VPS13A: variants seen among roughly 807,000 people sequenced by gnomAD.
The protein encoded by VPS13A is vacuolar protein sorting 13 homolog A, also known as intermembrane lipid transfer protein VPS13A.
Under a neutral mutation model 390.9 loss-of-function variants are expected in VPS13A, and 264 were observed. The ratio of observed to expected loss-of-function variants is 0.68; its 90% CI spans 0.61 to 0.75. The LOEUF is 0.75. Among genes scored for constraint, VPS13A ranks in the 30% least tolerant of loss-of-function variants. VPS13A has a pLI of 0.00. For synonymous variants in VPS13A, 1,231 were observed against 1,227.1 expected, an observed-to-expected ratio of 1.00 and a Z score of -0.07; for missense variants, 3,409 against 3,733.9, an observed-to-expected ratio of 0.91 and a Z score of 2.27.
intron 45 of VPS13A, among the ~76,000 whole-genome samples, chr9:77,330,167 C>T (rs760575137): frequency 1.9e-4 from 29 of 151,618 alleles, no homozygotes; most frequent in Non-Finnish European, 3.8e-4. Flanking sequence ...ATGTCTGCAC[C>T]ACCATACCTG....
In VPS13A at chr9:77,283,341, AT is replaced by A. The variant is rs536731890; in HGVS notation, c.3119-5del. Reference sequence around the variant, plus strand: ...TTTTTCCTCATGTTTTATAATATGAATTTTTTTTTGCAGCTTTAAAACTATC... The same window carrying A: ...TTTTTCCTCATGTTTTATAATATGAATTTTTTTTGCAGCTTTAAAACTATC... On this transcript the variant is annotated splice_polypyrimidine_tract_variant and intron_variant, in intron 29 of 71. Coordinates refer to ENST00000360280, the MANE Select transcript of VPS13A (RefSeq NM_033305.3). 2,314 of 1,440,520 alleles carry A rather than the reference AT, an allele frequency of 1.6e-3. 1 individual carries two copies. The highest frequency in any genetic ancestry group is 2.0e-3 in the Non-Finnish European group (2,070 of 1,029,550). The allele number at this position is 1,440,520 out of a possible 1,614,324, so 89.2% of individuals were successfully genotyped here. A position where few individuals can be genotyped will look rare whatever the true frequency, so the allele number is the denominator to read the frequency against.
chr9:77,322,165 A>G (rs967161788), intron 44 of VPS13A, among the ~76,000 whole-genome samples: 19 of 151,130 alleles, frequency 1.3e-4, no homozygotes, highest in Non-Finnish European at 1.3e-4. Flanking sequence ...TGCAGATGGC[A>G]ATTTTTAATG....
intron 68 of VPS13A, among the ~76,000 whole-genome samples, chr9:77,387,729 TTAAAA>T (rs1418504063): frequency 6.6e-6 from 1 of 152,222 alleles, no homozygotes; most frequent in Non-Finnish European, 1.5e-5. Context: ...GTTTCCTTAT[TTAAAA>T]TAATCAGTAT....
chr9:77,267,899 C>T (rs566952874), intron 23 of VPS13A, among the ~76,000 whole-genome samples: 6 of 152,350 alleles, frequency 3.9e-5, no homozygotes, highest in East Asian at 1.9e-4. Flanking sequence ...AGTCTGGCTA[C>T]AGTGGCTTTG....
Position 77,244,092 on chromosome 9 carries a change from G to A in VPS13A, c.1901-3167G>A, listed in dbSNP as rs192242215. Among the ~76,000 whole-genome samples the A allele has an allele frequency of 2.2e-3, 342 of 152,178 alleles. 3 individuals carry two copies. Among genetic ancestry groups the A allele is most frequent in the African/African-American group, 7.6e-3 (317 of 41,518 alleles). ...GTCTCTACAAAAAATTACAAAATTAGTCAGGTTTGGTGACGTGTACCTATC... is the reference window on the plus strand; with the variant it reads ...GTCTCTACAAAAAATTACAAAATTAATCAGGTTTGGTGACGTGTACCTATC... On this transcript the variant is annotated intron_variant, in intron 19 of 71. Transcript: ENST00000360280.
chr9:77,271,957 C>T (rs1826375694), intron 23 of VPS13A, among the ~76,000 whole-genome samples: 1 of 151,862 alleles, frequency 6.6e-6, no homozygotes, highest in African/African-American at 2.4e-5. Flanking sequence ...TCATACTGGA[C>T]CTGGGTGGTT....
At chr9:77,314,432 A>G (rs1316685850) in intron 36 of VPS13A, 63 bp from the exon 37 acceptor site, 6 of 1,486,568 alleles carry the variant, frequency 4.0e-6, no homozygotes, top group Admixed American at 1.7e-5. Flanking sequence ...AGTAGTTCAT[A>G]TCATGAAATA....
At chr9:77,414,040 T>C (rs1036712955) in intron 71 of VPS13A, among the ~76,000 whole-genome samples, 3 of 152,176 alleles carry the variant, frequency 2.0e-5, no homozygotes, top group African/African-American at 7.2e-5. Context: ...CACAATGAGA[T>C]ACCATCTCAC....
chr9:77,346,759 T>G (rs918010126), intron 52 of VPS13A, among the ~76,000 whole-genome samples: 1 of 152,208 alleles, frequency 6.6e-6, no homozygotes, highest in African/African-American at 2.4e-5. Flanking sequence ...ACGATCCCAG[T>G]ACCATTTGAA....
In VPS13A at chr9:77,266,948, C is replaced by T. The variant is rs113741025; in HGVS notation, c.2428-6332C>T. Reference sequence around the variant, plus strand: ...TCTGATATCCTTTCTTCCGCTTGATCGATTTGGCTATTGATACTTGTATAT... The same window carrying T: ...TCTGATATCCTTTCTTCCGCTTGATTGATTTGGCTATTGATACTTGTATAT... On this transcript the variant is annotated intron_variant, in intron 23 of 71. Coordinates refer to ENST00000360280, the MANE Select transcript of VPS13A (RefSeq NM_033305.3). Among the ~76,000 whole-genome samples, 42 of 151,942 alleles carry T rather than the reference C, an allele frequency of 2.8e-4. 1 individual carries two copies. The highest frequency in any genetic ancestry group is 2.6e-3 in the Admixed American group (40 of 15,246).
At chr9:77,273,831 C>G (rs1826490377) in intron 24 of VPS13A, among the ~76,000 whole-genome samples, 1 of 152,010 alleles carries the variant, frequency 6.6e-6, no homozygotes, top group Non-Finnish European at 1.5e-5. Context: ...AGGAAGATAC[C>G]TTTACAAGGT....
Position 77,337,325 on chromosome 9 carries a change from A to G in VPS13A, c.6166A>G (p.Ile2056Val). ...MCEGIDFEEI[I>V]KNDGALLKKK... ...TGAAGGAATTGACTTTGAAGAGATT[A>G]TAAAAAATGATGGTGCTCTTCTAAA... Residue 2056 changes from isoleucine to valine, a missense_variant, in exon 47 of 72, where the codon ATA becomes GTA. This residue lies in a region of VPS13A where 2,717 missense variants were observed against 2,917.4 expected (regional missense o/e 0.93). Coordinates refer to ENST00000360280, the MANE Select transcript of VPS13A (RefSeq NM_033305.3). 3 of 1,613,060 alleles carry G rather than the reference A, an allele frequency of 1.9e-6. No individual in the cohort carries two copies. Among genetic ancestry groups the G allele is most frequent in the Non-Finnish European group, 2.5e-6 (3 of 1,179,456 alleles).
intron 7 of VPS13A, among the ~76,000 whole-genome samples, chr9:77,212,630 C>T (rs1360563743): frequency 6.6e-6 from 1 of 152,098 alleles, no homozygotes; most frequent in Non-Finnish European, 1.5e-5. Flanking sequence ...GCCACTGCAC[C>T]CAATGATACC....
chr9:77,329,755 A>G (rs1320858208), intron 45 of VPS13A, among the ~76,000 whole-genome samples: 3 of 152,210 alleles, frequency 2.0e-5, no homozygotes, highest in South Asian at 2.1e-4. Context: ...GCAATTCACA[A>G]TAAAGCAAAA....
rs190748675 is a variant in VPS13A, at chr9:77,323,993, G to T, written c.5991+766G>T. On this transcript the variant is annotated intron_variant, in intron 45 of 71. Coordinates refer to ENST00000360280, the MANE Select transcript of VPS13A (RefSeq NM_033305.3). ...GTTTTGCTTTTTTTTTCACCATATGGATTTTTTTTCCAGAGGATTTTAGGT... is the reference window on the plus strand; with the variant it reads ...GTTTTGCTTTTTTTTTCACCATATGTATTTTTTTTCCAGAGGATTTTAGGT... 3.2e-4 allele frequency among the ~76,000 whole-genome samples: 48 copies of T among 151,688 alleles called. 1 individual carries two copies. The highest frequency in any genetic ancestry group is 2.6e-3 in the Admixed American group (40 of 15,252).
At chr9:77,399,059 C>A (rs1834240351) in intron 68 of VPS13A, among the ~76,000 whole-genome samples, 1 of 143,476 alleles carries the variant, frequency 7.0e-6, no homozygotes. Context: ...GGAGATATAC[C>A]TAATGCTAGA....
Position 77,369,343 on chromosome 9 carries a change from G to A in VPS13A, c.8598G>A (p.Leu2866=). The part of the protein sequence containing the change: ...MYVLILGLDV[L]GNPFGLIREF... The stretch of plus-strand genomic sequence containing the variant: ...TACTCATTCTTGGACTTGATGTTTT[G>A]GGAAATCCATTTGGCTTAATTAGAG... Residue 2866 remains leucine, a synonymous_variant, in exon 63 of 72, where the codon TTG becomes TTA. Coordinates refer to ENST00000360280, the MANE Select transcript of VPS13A (RefSeq NM_033305.3). 4 of 1,613,780 alleles carry A rather than the reference G, an allele frequency of 2.5e-6. No homozygotes were observed. The highest frequency in any genetic ancestry group is 2.5e-6 in the Non-Finnish European group (3 of 1,179,844).
chr9:77,200,394 C>G (rs1825258666), intron 2 of VPS13A, among the ~76,000 whole-genome samples: 1 of 152,114 alleles, frequency 6.6e-6, no homozygotes, highest in Admixed American at 6.5e-5. Flanking sequence ...GAGGATGAGG[C>G]AGGAGAATCG....
intron 1 of VPS13A, among the ~76,000 whole-genome samples, chr9:77,188,878 GT>G (rs796982265): frequency 2.7e-5 from 4 of 149,288 alleles, no homozygotes; most frequent in Non-Finnish European, 5.9e-5. Flanking sequence ...GTGATGTTGA[GT>G]TTTTTTTTTC....
Sources: gnomAD v4.1 joint callset for allele counts (sites outside exome capture counted in the v4.1 genomes callset) on GRCh38, gnomAD v4.1.1 for gene constraint, gnomAD v4.1.1 regional missense constraint, MANE v1.5 for transcripts, NCBI Gene and HGNC (gene_info 2026-07-23, HGNC 2026-07-21) for gene names.